The following FAR2 variants were observed in gnomAD, a reference collection of about 807,000 sequenced individuals.
The protein encoded by FAR2 is fatty acyl-CoA reductase 2.
In FAR2, 19 loss-of-function variants were observed where a neutral mutation model predicts 56.0. The observed-to-expected ratio is 0.34, with a 90% CI of 0.24 to 0.50. The LOEUF (loss-of-function observed/expected upper bound fraction) is 0.50. FAR2 is among the 20% of genes least tolerant of loss of function. The pLI, the probability that FAR2 is intolerant of heterozygous loss-of-function variation, is 0.98. For synonymous variants in FAR2, 219 were observed against 218.8 expected (o/e 1.00, Z -0.01); for missense variants, 508 against 642.2 (o/e 0.79, Z 2.26).
At chr12:29,314,654 T>C (rs1949416330) in intron 8 of FAR2, among the ~76,000 whole-genome samples, 1 of 152,034 alleles carries the variant, frequency 6.6e-6, no homozygotes, top group East Asian at 1.9e-4. Flanking sequence ...AGGCTTCTTT[T>C]GTCTTCCTCC....
chr12:29,218,044 A>G (rs1160736088), intron 1 of FAR2, among the ~76,000 whole-genome samples: 2 of 152,162 alleles, frequency 1.3e-5, no homozygotes, highest in African/African-American at 4.8e-5. Context: ...GAACTGAATG[A>G]TAAATATCTA....
intron 4 of FAR2, among the ~76,000 whole-genome samples, chr12:29,306,930 C>T (rs1406990497): frequency 1.3e-5 from 2 of 152,206 alleles, no homozygotes; most frequent in Non-Finnish European, 2.9e-5. Context: ...TCTAAACAGA[C>T]CTTCAAAATG....
At chr12:29,283,578 C>A (rs1405256910) in intron 2 of FAR2, among the ~76,000 whole-genome samples, 1 of 150,036 alleles carries the variant, frequency 6.7e-6, no homozygotes, top group Non-Finnish European at 1.5e-5. Context: ...AGTTTTGAAA[C>A]TGTTTATCAA....
At chr12:29,309,852 G>A (rs1340158352) in intron 6 of FAR2, 2 of 152,306 alleles carry the variant, frequency 1.3e-5, no homozygotes, top group Admixed American at 1.3e-4. Flanking sequence ...CAAGCTGTGG[G>A]GCTTCACAGC....
At chr12:29,174,420 A>ATT (rs1949916411) in intron 1 of FAR2, among the ~76,000 whole-genome samples, 1 of 61,484 alleles carries the variant, frequency 1.6e-5, no homozygotes, top group African/African-American at 6.2e-5. Context: ...AGTGGTTTTT[A>ATT]TTCTTTTTTT....
At chr12:29,332,776 G>A (rs1253769091) in intron 11 of FAR2, 49 bp downstream of exon 11, 11 of 1,522,502 alleles carry the variant, frequency 7.2e-6, no homozygotes, top group East Asian at 2.3e-5. Context: ...ACTGTGCATC[G>A]ACTTTATACC....
Position 29,332,573 on chromosome 12 carries a change from CA to C in FAR2, c.1258-25del. On this transcript the variant is annotated intron_variant, in intron 10 of 11. Transcript: ENST00000536681. ...TGACTGTCCAGCACTGCAATTCTGGCAATCTATAATCTCTCTTGCCTCTCAG... is the reference window on the plus strand; with the variant it reads ...TGACTGTCCAGCACTGCAATTCTGGCATCTATAATCTCTCTTGCCTCTCAG... The C allele has an allele frequency of 1.9e-6, 3 of 1,612,680 alleles. No homozygotes were observed. The East Asian group carries it at 6.7e-5, about 36-fold the overall frequency.
rs200684119 is a variant in FAR2, at chr12:29,264,661, G to A, written c.-38-5751G>A. On this transcript the variant is annotated intron_variant, in intron 1 of 11. Coordinates refer to ENST00000536681, the MANE Select transcript of FAR2 (RefSeq NM_001271783.2). ...TAAATAAATAAATAAATAAATAAAG[G>A]AGAGAGAGAGAGAGGAGGAGAGGGA... Among the ~76,000 whole-genome samples the A allele has an allele frequency of 4.1e-4, 12 of 29,372 alleles. No homozygotes were observed. The East Asian group carries it at 4.9e-3, about 12-fold the overall frequency. The allele number at this position is 29,372 out of a possible 152,430, so 19.3% of individuals were successfully genotyped here. A position where few individuals can be genotyped will look rare whatever the true frequency, so the allele number is the denominator to read the frequency against.
chr12:29,310,109 C>T (rs1949322563), intron 6 of FAR2, among the ~76,000 whole-genome samples: 1 of 152,160 alleles, frequency 6.6e-6, no homozygotes, highest in Admixed American at 6.5e-5. Flanking sequence ...TTCTGCTTCC[C>T]ACCTGCCTTC....
At chr12:29,212,266 C>A (rs893452305) in intron 1 of FAR2, among the ~76,000 whole-genome samples, 1 of 152,070 alleles carries the variant, frequency 6.6e-6, no homozygotes, top group Admixed American at 6.5e-5. Context: ...TGAATATGTT[C>A]TTTTAGAAAA....
At chr12:29,320,088 G>C (rs559692033) in intron 9 of FAR2, among the ~76,000 whole-genome samples, 45 of 152,174 alleles carry the variant, frequency 3.0e-4, no homozygotes, top group Admixed American at 2.7e-3. Context: ...TGTGCCTGTA[G>C]TCCCAGCTAC....
rs577128582 is a variant in FAR2, at chr12:29,312,009, G to A, written c.955+59G>A. The A allele has an allele frequency of 7.1e-6, 9 of 1,267,662 alleles. No individual in the cohort carries two copies. In the African/African-American group the frequency reaches 1.3e-4, roughly 19 times the overall value. 78.5% of individuals were successfully genotyped at this position (1,267,662 alleles called of 1,614,324 possible). On this transcript the variant is annotated intron_variant, in intron 8 of 11. Transcript: ENST00000536681. ...TAGTGTCTGGCACAGAGAAAAAGTT[G>A]ACAAAGTGTGTCATGGAGCTTAGAG...
At chr12:29,247,552 G>T (rs3948497) in intron 1 of FAR2, among the ~76,000 whole-genome samples, 1 of 151,994 alleles carries the variant, frequency 6.6e-6, no homozygotes, top group East Asian at 1.9e-4. Context: ...CCTTGTTAAA[G>T]GTCTTCACAC....
chr12:29,272,457 T>C (rs994144583), intron 2 of FAR2, among the ~76,000 whole-genome samples: 1 of 152,252 alleles, frequency 6.6e-6, no homozygotes, highest in Non-Finnish European at 1.5e-5. Flanking sequence ...ACGACATTGT[T>C]GTGCTGTGTT....
chr12:29,177,842 A>AC (rs915913260), intron 1 of FAR2, among the ~76,000 whole-genome samples: 5 of 151,348 alleles, frequency 3.3e-5, no homozygotes, highest in East Asian at 1.9e-4. Flanking sequence ...CACAAAAAAA[A>AC]CAAACAAAAA....
At chr12:29,233,431 T>C (rs1236679853) in intron 1 of FAR2, among the ~76,000 whole-genome samples, 1 of 152,176 alleles carries the variant, frequency 6.6e-6, no homozygotes, top group African/African-American at 2.4e-5. Flanking sequence ...TTCCATACCA[T>C]TTTCAGCACA....
rs765318411 is a variant in FAR2 at position 29,307,655 on chromosome 12, T to C, written c.546-3T>C. On this transcript the variant is annotated splice_polypyrimidine_tract_variant and splice_region_variant and intron_variant, in intron 4 of 11. Transcript: ENST00000536681. ...CTAGAATTCTCTTTACTCTACCTTT[T>C]AGGTGGTTAGACGATGCTATTATTG... The C allele has an allele frequency of 6.2e-7, 1 of 1,604,704 alleles. No homozygotes were observed. The highest frequency in any genetic ancestry group is 1.7e-5 in the Admixed American group (1 of 57,784).
At chr12:29,220,119 C>G (rs927149877) in intron 1 of FAR2, among the ~76,000 whole-genome samples, 2 of 152,150 alleles carry the variant, frequency 1.3e-5, no homozygotes, top group African/African-American at 4.8e-5. Context: ...AGAGCTGGCA[C>G]TAGAACCCAG....
intron 8 of FAR2, among the ~76,000 whole-genome samples, chr12:29,314,098 C>T (rs1428690449): frequency 6.6e-6 from 1 of 152,126 alleles, no homozygotes; most frequent in Non-Finnish European, 1.5e-5. Context: ...TCTTCTTTGA[C>T]CTATGAGGAT....
Sources: gnomAD v4.1 joint callset for allele counts (sites outside exome capture counted in the v4.1 genomes callset) on GRCh38, gnomAD v4.1.1 for gene constraint, MANE v1.5 for transcripts, NCBI Gene and HGNC (gene_info 2026-07-23, HGNC 2026-07-21) for gene names.